TERF2: variants seen among roughly 807,000 people sequenced by gnomAD.
TERF2 encodes the protein telomeric repeat-binding factor 2.
Under a neutral mutation model 56.1 loss-of-function variants are expected in TERF2, and 16 were observed. The ratio of observed to expected loss-of-function variants is 0.29; its 90% CI spans 0.19 to 0.43. TERF2 has a LOEUF of 0.43. Ranked by LOEUF, TERF2 falls within the 20% of genes least tolerant of loss-of-function variation. The probability of loss-of-function intolerance (pLI) is 1.00; values close to 1 mark genes in which losing one functional copy is unlikely to be tolerated. For missense variants in TERF2, 547 were observed against 712.9 expected (o/e 0.77, Z 2.65); for synonymous variants, 296 against 282.1 (o/e 1.05, Z -0.50).
intron 3 of TERF2, among the ~76,000 whole-genome samples, chr16:69,376,433 A>T (rs2013781457): frequency 6.6e-6 from 1 of 152,180 alleles, no homozygotes; most frequent in Admixed American, 6.5e-5. Context: ...TAACTTTCTC[A>T]TAATTCTTAA....
chr16:69,359,953 G>T (rs2013069656), intron 8 of TERF2, among the ~76,000 whole-genome samples: 1 of 150,968 alleles, frequency 6.6e-6, no homozygotes, highest in African/African-American at 2.4e-5. Flanking sequence ...TGTAGACATG[G>T]AGTTTTGCCC....
chr16:69,376,408 T>C (rs1022228942), intron 3 of TERF2, among the ~76,000 whole-genome samples: 2 of 152,330 alleles, frequency 1.3e-5, no homozygotes, highest in African/African-American at 2.4e-5. Flanking sequence ...CTAATCTCTA[T>C]AGTCGTAATT....
At chr16:69,380,915 C>T (rs531034372) in intron 3 of TERF2, among the ~76,000 whole-genome samples, 2 of 151,262 alleles carry the variant, frequency 1.3e-5, no homozygotes, top group East Asian at 4.0e-4. Flanking sequence ...AATTCTCCTG[C>T]CTCAGTCTCC....
chr16:69,361,554 G>T, intron 7 of TERF2, 65 bp from the exon 8 acceptor site: 1 of 1,191,938 alleles, frequency 8.4e-7, no homozygotes, highest in Non-Finnish European at 1.3e-6. Flanking sequence ...CCAGATTCTG[G>T]TCTTGGCTCA....
rs1488603906 is a variant in TERF2, at chr16:69,385,886, G to A, written c.86C>T (p.Pro29Leu). The change falls in exon 1 of 10, where the codon CCC becomes CTC. Residue 29 changes from proline (P) to leucine (L), a missense_variant. Pro to Leu is a moderately conservative substitution (Grantham distance 98). Transcript: ENST00000254942. ...DPAASQPRKR[P>L]GREGGEGARR... is the part of the protein sequence containing the mutation. ...CGCGCCCTCCCCGCCCTCCCGGCCG[G>A]GCCGCTTCCTCGGCTGTGACGCCGC... is the stretch of plus-strand genomic sequence containing the variant. The A allele has an allele frequency of 5.8e-6, 8 of 1,373,854 alleles. No homozygotes were observed. The East Asian group carries it at 9.3e-5, about 16-fold the overall frequency. 85.1% of individuals were successfully genotyped at this position (1,373,854 alleles called of 1,614,324 possible). A position where few individuals can be genotyped will look rare whatever the true frequency, so the allele number is the denominator to read the frequency against.
chr16:69,370,742 T>C (rs1392248158), intron 4 of TERF2, 113 bp from the exon 5 acceptor site: 3 of 1,050,062 alleles, frequency 2.9e-6, no homozygotes, highest in Non-Finnish European at 4.1e-6. Context: ...TCAATGCAAA[T>C]CACTGGCACA....
At chr16:69,364,842 C>A (rs1039513868) in intron 7 of TERF2, 3 of 152,310 alleles carry the variant, frequency 2.0e-5, no homozygotes, top group Middle Eastern at 3.4e-3. Context: ...GGGACACTGA[C>A]CCTTTTTTTC....
chr16:69,360,087 T>C (rs959951263), intron 8 of TERF2, among the ~76,000 whole-genome samples: 2 of 151,916 alleles, frequency 1.3e-5, no homozygotes, highest in Non-Finnish European at 2.9e-5. Context: ...CCTTGTTCAT[T>C]TTATAGAAGT....
At chr16:69,366,701 G>A in intron 7 of TERF2, 106 bp downstream of exon 7, 1 of 1,387,800 alleles carries the variant, frequency 7.2e-7, no homozygotes, top group Non-Finnish European at 9.6e-7. Flanking sequence ...AGCAAGCCTT[G>A]GTGGTGAGTA....
intron 8 of TERF2, among the ~76,000 whole-genome samples, chr16:69,359,149 A>C (rs553476445): frequency 6.6e-6 from 1 of 152,268 alleles, no homozygotes; most frequent in African/African-American, 2.4e-5. Flanking sequence ...CGTTAACCAA[A>C]ACTTTGTTAT....
Position 69,367,032 on chromosome 16 carries a change from CTCT to C in TERF2, c.1112_1114del (p.Lys371del). On this transcript the variant is annotated inframe_deletion, in exon 7 of 10. Transcript: ENST00000254942. ...ACTTTCGTTTTCATCTTTTCTGGGT[CTCT>C]TGTTTTTGAGGGCTGGTGATGCTGG... is the stretch of plus-strand genomic sequence containing the variant. The C allele has an allele frequency of 6.2e-7, 1 of 1,614,196 alleles. No individual in the cohort carries two copies. The highest frequency in any genetic ancestry group is 1.1e-5 in the South Asian group (1 of 91,088).
rs199739541 is a variant in TERF2, at chr16:69,356,987, C to T, written c.1540G>A (p.Ala514Thr). ...VQKYGEGNWA[A>T]ISKNYPFVNR... ...ACAAATGGGTAATTTTTAGAAATGG[C>T]AGCCCAGTTTCCTTCCCCATATTTC... Residue 514 changes from alanine to threonine, a missense_variant, in exon 10 of 10, where the codon GCC becomes ACC. Physicochemically the swap from Ala to Thr is moderately conservative, Grantham distance 58 (BLOSUM62 0). Coordinates refer to ENST00000254942, the MANE Select transcript of TERF2 (RefSeq NM_005652.5). 2.5e-6 allele frequency: 4 copies of T among 1,613,936 alleles called. No homozygotes were observed. The East Asian group carries it at 6.7e-5, about 27-fold the overall frequency.
chr16:69,368,317 A>G, intron 6 of TERF2, 59 bp downstream of exon 6: 1 of 1,522,578 alleles, frequency 6.6e-7, no homozygotes, highest in Non-Finnish European at 9.1e-7. Flanking sequence ...TAAGGAGGAG[A>G]CTGCTTCCAG....
At chr16:69,377,202 CA>C (rs556264748) in intron 3 of TERF2, among the ~76,000 whole-genome samples, 1,841 of 95,138 alleles carry the variant, frequency 0.019, 32 homozygotes, top group African/African-American at 0.059. Context: ...GACTCCATCT[CA>C]AAAAAAAAAA....
intron 3 of TERF2, among the ~76,000 whole-genome samples, chr16:69,374,836 G>A (rs765348427): frequency 9.9e-5 from 15 of 151,660 alleles, no homozygotes; most frequent in Non-Finnish European, 1.5e-4. Flanking sequence ...ATGGTAGTGC[G>A]CACCTGTAGT....
rs540604859 is a variant in TERF2, at chr16:69,367,562, C to T, written c.948-363G>A. Among the ~76,000 whole-genome samples the T allele has an allele frequency of 3.4e-4, 52 of 152,218 alleles. 2 individuals carry two copies. In the South Asian group the frequency reaches 0.011, roughly 31 times the overall value. On this transcript the variant is annotated intron_variant, in intron 6 of 9. Transcript: ENST00000254942. Reference sequence around the variant, plus strand: ...TCCACCACACCCGGCCTACAACACACTTAAGAGCAGGATCTTGAGAATTCT... The same window carrying T: ...TCCACCACACCCGGCCTACAACACATTTAAGAGCAGGATCTTGAGAATTCT...
rs1388485555 is a variant in TERF2, at chr16:69,356,484, C to G, written c.*414G>C. 2.5e-5 allele frequency: 7 copies of G among 276,694 alleles called. No individual in the cohort carries two copies. The highest frequency in any genetic ancestry group is 2.8e-5 in the Non-Finnish European group (4 of 140,792). The allele number at this position is 276,694 out of a possible 1,614,324, so 17.1% of individuals were successfully genotyped here. On this transcript the variant is annotated 3_prime_UTR_variant, in exon 10 of 10. Coordinates refer to ENST00000254942, the MANE Select transcript of TERF2 (RefSeq NM_005652.5). ...ACGTCGAAGGAGGTTGCCCAAAATT[C>G]TCATCCCAGCCCAGCTTCTGAAAGA...
At chr16:69,372,396 A>G (rs757231003) in intron 3 of TERF2, 41 bp from the exon 4 acceptor site, 1 of 1,320,410 alleles carries the variant, frequency 7.6e-7, no homozygotes, top group South Asian at 1.2e-5. Context: ...TTTTGTAATG[A>G]CAGGTGTAAT....
chr16:69,366,873 G>A lies in TERF2; in HGVS notation c.1274C>T (p.Ala425Val), dbSNP rs1049263982. 5 of 1,614,080 alleles carry A rather than the reference G, an allele frequency of 3.1e-6. No individual in the cohort carries two copies. The Admixed American group carries it at 8.3e-5, about 27-fold the overall frequency. Residue 425 changes from alanine to valine, a missense_variant, in exon 7 of 10, where the codon GCC (alanine) becomes GTC (valine). Ala to Val is a moderately conservative substitution (Grantham distance 64). This residue lies in a region of TERF2 where 211 missense variants were observed against 236.8 expected (regional missense o/e 0.89). Coordinates refer to ENST00000254942, the MANE Select transcript of TERF2 (RefSeq NM_005652.5). ...PSAGLNSSQE[A>V]ASAPPSKPTV... ...GGGCTTGGATGGTGGCGCTGAAGCG[G>A]CCTCCTGGGAGGAGTTGAGGCCTGC...
Sources: allele counts gnomAD v4.1 joint callset (sites outside exome capture counted in the v4.1 genomes callset), GRCh38; gene constraint gnomAD v4.1.1; regional missense constraint gnomAD v4.1.1; transcripts MANE v1.5; gene names NCBI Gene and HGNC (gene_info 2026-07-23, HGNC 2026-07-21).